SLC2A14: variants seen among roughly 807,000 people sequenced by gnomAD.
The protein encoded by SLC2A14 is solute carrier family 2, facilitated glucose transporter member 14.
Under a neutral mutation model 43.0 loss-of-function variants are expected in SLC2A14, and 13 were observed. That is an observed-to-expected ratio of 0.30 (90% CI 0.20 to 0.48). SLC2A14 has a LOEUF of 0.48. SLC2A14 is among the 20% of genes least tolerant of loss of function. SLC2A14 has a pLI of 0.99. For synonymous variants in SLC2A14, 190 were observed against 233.8 expected, an observed-to-expected ratio of 0.81 and a Z score of 1.71; for missense variants, 428 against 620.4, an observed-to-expected ratio of 0.69 and a Z score of 3.29.
rs3044922 is a variant in SLC2A14 at position 7,886,151 on chromosome 12, CTTTTTTTTTTTTTTTT to C, written c.132+4829_132+4844del. On this transcript the variant is annotated intron_variant, in intron 1 of 9. Coordinates refer to the SLC2A14 transcript ENST00000539924. ...GGCATGTACCACCACGCCCGGACAG[CTTTTTTTTTTTTTTTT>C]TTTTTTTTTTTTTTGAGACAAGGTC... Among the ~76,000 whole-genome samples the C allele has an allele frequency of 2.0e-3, 88 of 44,730 alleles. 1 individual carries two copies. The highest frequency in any genetic ancestry group is 7.6e-3 in the African/African-American group (86 of 11,274). 29.3% of individuals were successfully genotyped at this position (44,730 alleles called of 152,430 possible). A position where few individuals can be genotyped will look rare whatever the true frequency, so the allele number is the denominator to read the frequency against.
chr12:7,820,515 A>T (rs919596321), intron 8 of SLC2A14, among the ~76,000 whole-genome samples: 3 of 152,134 alleles, frequency 2.0e-5, no homozygotes, highest in African/African-American at 7.2e-5. Flanking sequence ...ATCACAGGAC[A>T]CCTAGATAGT....
At chr12:7,827,063 TTCTCTC>T (rs1157345006) in intron 7 of SLC2A14, among the ~76,000 whole-genome samples, 20 of 91,142 alleles carry the variant, frequency 2.2e-4, no homozygotes, top group African/African-American at 7.0e-4. Context: ...CTCTCTTTCT[TTCTCTC>T]TCTCTCTTTC....
Position 7,814,332 on chromosome 12 carries a change from G to C in SLC2A14, c.1478C>G (p.Thr493Ser). 1 of 1,605,758 alleles carries C rather than the reference G, an allele frequency of 6.2e-7. No homozygotes were observed. The highest frequency in any genetic ancestry group is 8.5e-7 in the Non-Finnish European group (1 of 1,175,944). The change falls in exon 11 of 11, where the codon ACC becomes AGC. Residue 493 changes from threonine (T) to serine (S), a missense_variant. Around this residue, in one of 4 missense-constraint regions of SLC2A14, gnomAD observed 119 missense variants for 188.7 expected, o/e 0.63. Coordinates refer to ENST00000431042, the MANE Select transcript of SLC2A14 (RefSeq NM_001286234.2). ...AGGCATGACTTAGACATTGGTGGTG[G>C]TCTCCTTAGCAGGCTCGATGCTGTT... ...GMNSIEPAKE[T>S]TTNV
chr12:7,877,245 G>A (rs144412641), upstream of SLC2A14, among the ~76,000 whole-genome samples: 875 of 152,004 alleles, frequency 5.8e-3, 21 homozygotes, highest in African/African-American at 0.02. Context: ...TGATCCACCC[G>A]CCTCGGCCTC....
At chr12:7,868,918 G>A (rs1201256819) in intron 2 of SLC2A14, among the ~76,000 whole-genome samples, 1 of 152,050 alleles carries the variant, frequency 6.6e-6, no homozygotes, top group African/African-American at 2.4e-5. Flanking sequence ...GCCGAGGCGG[G>A]CAGATCACCT....
chr12:7,855,746 T>C (rs951158867), intron 2 of SLC2A14, among the ~76,000 whole-genome samples: 6 of 129,514 alleles, frequency 4.6e-5, no homozygotes, highest in African/African-American at 1.6e-4. Flanking sequence ...GAAATGATTC[T>C]CCTGTCTCAG....
chr12:7,864,743 AGTG>A (rs1944815818), intron 2 of SLC2A14, among the ~76,000 whole-genome samples: 1 of 152,296 alleles, frequency 6.6e-6, no homozygotes. Flanking sequence ...GAGTAGCTGT[AGTG>A]GTGACTGAGC....
rs764851407 is a variant in SLC2A14 at position 7,822,752 on chromosome 12, G to A, written c.865-1427C>T. 9.9e-5 allele frequency among the ~76,000 whole-genome samples: 15 copies of A among 151,998 alleles called. No individual in the cohort carries two copies. The East Asian group carries it at 2.3e-3, about 24-fold the overall frequency. ...AGACAGCAACTCACTATGTTGCCCA[G>A]GCTGGTCCTAAACTCTTGGTCTCCA... is the stretch of plus-strand genomic sequence containing the variant. On this transcript the variant is annotated intron_variant, in intron 7 of 10. Coordinates refer to ENST00000431042, the MANE Select transcript of SLC2A14 (RefSeq NM_001286234.2).
chr12:7,850,593 G>T (rs929534594), intron 2 of SLC2A14: 1 of 152,018 alleles, frequency 6.6e-6, no homozygotes, highest in Non-Finnish European at 1.5e-5. Flanking sequence ...ACGGGGTTTC[G>T]CCATGTTGGC....
At chr12:7,821,408 C>A (rs953109462) in intron 7 of SLC2A14, 83 bp from the exon 8 acceptor site, 3 of 1,257,048 alleles carry the variant, frequency 2.4e-6, no homozygotes, top group South Asian at 2.5e-5. Context: ...TAAGGCTGAG[C>A]GTGGTTGCAC....
At chr12:7,834,966 G>A (rs1004336237) in intron 2 of SLC2A14, among the ~76,000 whole-genome samples, 1 of 152,060 alleles carries the variant, frequency 6.6e-6, no homozygotes, top group African/African-American at 2.4e-5. Context: ...GAGGAGCCTG[G>A]CTCAGTCACA....
rs1865045215 is a variant in SLC2A14 at position 7,831,730 on chromosome 12, T to C, written c.146A>G (p.Asp49Gly). ...CTCAGAGGGAGGGGCATTTGCCTTG[T>C]CCGTCAAAGTTTTATTGATAAATTC... Reference protein sequence around the residue: ...IKEFINKTLTDKANAPPSEVL... With the variant: ...IKEFINKTLTGKANAPPSEVL... The change falls in exon 4 of 11, where the codon GAC becomes GGC. Residue 49 changes from aspartate to glycine, a missense_variant. Physicochemically the swap from Asp to Gly is moderately conservative, Grantham distance 94 (BLOSUM62 -1). This residue lies in a region of SLC2A14 where 122 missense variants were observed against 128.8 expected (regional missense o/e 0.95). Coordinates refer to ENST00000431042, the MANE Select transcript of SLC2A14 (RefSeq NM_001286234.2). 2 of 1,614,248 alleles carry C rather than the reference T, an allele frequency of 1.2e-6. No individual in the cohort carries two copies. The highest frequency in any genetic ancestry group is 1.7e-6 in the Non-Finnish European group (2 of 1,180,056).
intron 2 of SLC2A14, among the ~76,000 whole-genome samples, chr12:7,868,461 A>G (rs946425785): frequency 6.6e-6 from 1 of 152,132 alleles, no homozygotes; most frequent in African/African-American, 2.4e-5. Context: ...CTGTATTTAG[A>G]ATAATCAAAA....
upstream of SLC2A14, among the ~76,000 whole-genome samples, chr12:7,874,972 TAAATATATTTATATATAAATTATATATA>T (rs1565585329): frequency 1.6e-4 from 1 of 6,304 alleles, no homozygotes; most frequent in East Asian, 1.7e-3. Context: ...AAATTATATA[TAAATATATTTATATATAAATTATATATA>T]AATACATATA....
At chr12:7,848,009 T>C (rs1381396005) in intron 2 of SLC2A14, among the ~76,000 whole-genome samples, 1 of 151,846 alleles carries the variant, frequency 6.6e-6, no homozygotes, top group East Asian at 1.9e-4. Context: ...CTGAAATAGA[T>C]GTAGAGACAC....
intron 1 of SLC2A14, among the ~76,000 whole-genome samples, chr12:7,884,369 A>G (rs1362753231): frequency 2.0e-5 from 3 of 152,192 alleles, no homozygotes; most frequent in East Asian, 1.9e-4. Flanking sequence ...ATGTCCTGCA[A>G]TATTTTAAGT....
intron 2 of SLC2A14, 83 bp downstream of exon 2, chr12:7,869,780 G>C (rs1448497068): frequency 2.3e-6 from 2 of 887,804 alleles, no homozygotes; most frequent in South Asian, 3.1e-5. Context: ...GACATGAAAA[G>C]TTTAGGAAGA....
chr12:7,835,903 G>A (rs1448805999), intron 2 of SLC2A14, among the ~76,000 whole-genome samples: 1 of 152,174 alleles, frequency 6.6e-6, no homozygotes, highest in Non-Finnish European at 1.5e-5. Flanking sequence ...TAGAAAATAA[G>A]TCCTCAGGAT....
At chr12:7,821,117 A>C (rs936820605) in intron 8 of SLC2A14, 104 bp downstream of exon 8, 16 of 850,854 alleles carry the variant, frequency 1.9e-5, no homozygotes, top group Non-Finnish European at 2.6e-5. Flanking sequence ...AATAAATAAC[A>C]AAAAAGGTGT....
Sources: allele counts gnomAD v4.1 joint callset (sites outside exome capture counted in the v4.1 genomes callset), GRCh38; gene constraint gnomAD v4.1.1; regional missense constraint gnomAD v4.1.1; transcripts MANE v1.5; gene names NCBI Gene and HGNC (gene_info 2026-07-23, HGNC 2026-07-21).